CNTN1: variants seen among roughly 807,000 people sequenced by gnomAD.
The protein encoded by CNTN1 is contactin-1.
A neutral mutation model predicts 126.4 loss-of-function variants in CNTN1; 38 were observed. The observed-to-expected ratio is 0.30, with a 90% CI of 0.23 to 0.39. CNTN1 has a LOEUF of 0.39. CNTN1 is among the 10% of genes least tolerant of loss of function. The pLI is 1.00. For missense variants in CNTN1, 1,009 were observed against 1,248.4 expected (o/e 0.81, Z 2.89); for synonymous variants, 413 against 422.6 (o/e 0.98, Z 0.28).
At chr12:40,894,997 A>G (rs1489492643) in intron 1 of CNTN1, among the ~76,000 whole-genome samples, 2 of 152,218 alleles carry the variant, frequency 1.3e-5, no homozygotes, top group Non-Finnish European at 2.9e-5. Context: ...AAATTTCCAT[A>G]TAAAAGGGTT....
chr12:40,773,322 A>G (rs1380360471), intron 1 of CNTN1, among the ~76,000 whole-genome samples: 4 of 151,740 alleles, frequency 2.6e-5, no homozygotes, highest in Admixed American at 6.6e-5. Context: ...AGAAAACGAT[A>G]GTTAAGTCGT....
chr12:41,032,927 A>C (rs896263705), intron 23 of CNTN1, among the ~76,000 whole-genome samples: 2 of 152,210 alleles, frequency 1.3e-5, no homozygotes, highest in Admixed American at 1.3e-4. Flanking sequence ...TAACTGTTGA[A>C]TTAATTCATG....
At chr12:40,801,012 TTTG>T (rs752926265) in intron 1 of CNTN1, among the ~76,000 whole-genome samples, 10 of 147,408 alleles carry the variant, frequency 6.8e-5, no homozygotes, top group East Asian at 2.0e-4. Context: ...AAACTAGAGT[TTTG>T]TTTTTTTTTT....
intron 23 of CNTN1, among the ~76,000 whole-genome samples, chr12:41,035,006 C>G (rs1425022846): frequency 2.6e-5 from 4 of 152,162 alleles, no homozygotes; most frequent in Non-Finnish European, 5.9e-5. Flanking sequence ...CCTTCAGAAG[C>G]TTTGAGTACA....
chr12:40,882,996 A>G (rs559670732), intron 1 of CNTN1, among the ~76,000 whole-genome samples: 1 of 151,678 alleles, frequency 6.6e-6, no homozygotes, highest in South Asian at 2.1e-4. Flanking sequence ...GTCTTTCAGT[A>G]ATTATTCCAG....
intron 4 of CNTN1, among the ~76,000 whole-genome samples, chr12:40,920,854 ACTT>A (rs1158805829): frequency 6.6e-6 from 1 of 152,210 alleles, no homozygotes; most frequent in Non-Finnish European, 1.5e-5. Flanking sequence ...AGACCAGTGA[ACTT>A]CTTCAAAGAC....
chr12:40,975,154 T>C (rs1947635426), intron 15 of CNTN1, among the ~76,000 whole-genome samples: 1 of 144,972 alleles, frequency 6.9e-6, no homozygotes, highest in African/African-American at 2.5e-5. Flanking sequence ...CCTTATAGAC[T>C]TCGGTGTCCT....
chr12:40,924,621 G>A lies in CNTN1; in HGVS notation c.465G>A (p.Val155=). The A allele has an allele frequency of 1.2e-6, 2 of 1,604,854 alleles. No individual in the cohort carries two copies. The highest frequency in any genetic ancestry group is 4.5e-5 in the East Asian group (2 of 44,758). The stretch of plus-strand genomic sequence containing the variant: ...GAGTAAAAGAAGGGAAAGGAATGGT[G>A]CTTCTCTGTGACCCCCCATACCATT... ...EVRVKEGKGM[V]LLCDPPYHFP... The change falls in exon 6 of 24, where the codon GTG becomes GTA. Residue 155 remains valine, a synonymous_variant. Coordinates refer to ENST00000551295, the MANE Select transcript of CNTN1 (RefSeq NM_001843.4).
chr12:40,792,909 G>A (rs1940272533), intron 1 of CNTN1, among the ~76,000 whole-genome samples: 1 of 152,034 alleles, frequency 6.6e-6, no homozygotes, highest in East Asian at 1.9e-4. Flanking sequence ...TATTCAGACG[G>A]GTTACAGACC....
chr12:40,887,503 G>A (rs1944082558), intron 1 of CNTN1, among the ~76,000 whole-genome samples: 1 of 152,124 alleles, frequency 6.6e-6, no homozygotes, highest in African/African-American at 2.4e-5. Context: ...TCATTAAAAA[G>A]TCAGGAAACA....
intron 15 of CNTN1, among the ~76,000 whole-genome samples, chr12:40,966,111 A>T (rs1448859382): frequency 6.6e-6 from 1 of 151,986 alleles, no homozygotes; most frequent in Non-Finnish European, 1.5e-5. Flanking sequence ...AAATCATCAC[A>T]GTCAAATCAA....
chr12:40,772,503 G>A (rs1042426178), intron 1 of CNTN1, among the ~76,000 whole-genome samples: 10 of 151,908 alleles, frequency 6.6e-5, no homozygotes, highest in African/African-American at 1.7e-4. Context: ...ACTTGCCACA[G>A]CGTTATAAGT....
intron 6 of CNTN1, among the ~76,000 whole-genome samples, chr12:40,929,117 CTA>C (rs1945793972): frequency 6.6e-6 from 1 of 151,862 alleles, no homozygotes; most frequent in African/African-American, 2.4e-5. Context: ...GAATAGAAAA[CTA>C]TAGGAAATGC....
chr12:41,060,917 A>T (rs1484783393), intron 23 of CNTN1, among the ~76,000 whole-genome samples: 2 of 152,208 alleles, frequency 1.3e-5, no homozygotes, highest in African/African-American at 4.8e-5. Flanking sequence ...ACTACATTTA[A>T]TATTGCAAAT....
Position 40,964,011 on chromosome 12 carries a change from GC to G in CNTN1, c.1804+4781del, listed in dbSNP as rs1345153313. ...ATTCAAAAATAGACCATAAAATTAGGCCCCAAATGAAAAAGAAATTAGGCTT... is the reference window on the plus strand; with the variant it reads ...ATTCAAAAATAGACCATAAAATTAGGCCCAAATGAAAAAGAAATTAGGCTT... On this transcript the variant is annotated intron_variant, in intron 15 of 23. Coordinates refer to ENST00000551295, the MANE Select transcript of CNTN1 (RefSeq NM_001843.4). Among the ~76,000 whole-genome samples the G allele has an allele frequency of 2.0e-5, 3 of 152,018 alleles. No individual in the cohort carries two copies. The East Asian group carries it at 5.8e-4, about 29-fold the overall frequency.
intron 1 of CNTN1, among the ~76,000 whole-genome samples, chr12:40,861,671 A>G (rs1187133040): frequency 1.3e-5 from 2 of 152,006 alleles, no homozygotes; most frequent in East Asian, 1.9e-4. Flanking sequence ...ATATTTACCA[A>G]TTTCTTTAAA....
chr12:40,822,331 C>T (rs139434118), intron 1 of CNTN1, among the ~76,000 whole-genome samples: 3,400 of 151,074 alleles, frequency 0.023, 125 homozygotes, highest in African/African-American at 0.078. Flanking sequence ...ATTTTTGTAC[C>T]TTTAGTAGAG....
intron 16 of CNTN1, among the ~76,000 whole-genome samples, chr12:40,982,039 C>T (rs994156544): frequency 6.6e-6 from 1 of 151,604 alleles, no homozygotes; most frequent in Admixed American, 6.6e-5. Flanking sequence ...ATTTGTATTG[C>T]TCACTAAGAT....
chr12:40,852,527 C>T (rs552128979), intron 1 of CNTN1, among the ~76,000 whole-genome samples: 7 of 151,510 alleles, frequency 4.6e-5, no homozygotes, highest in East Asian at 1.9e-4. Context: ...ATCTTGTGTG[C>T]TGCCTTTTTT....
Sources: allele counts gnomAD v4.1 joint callset (sites outside exome capture counted in the v4.1 genomes callset), GRCh38; gene constraint gnomAD v4.1.1; transcripts MANE v1.5; gene names NCBI Gene and HGNC (gene_info 2026-07-23, HGNC 2026-07-21).